ZNF449: variants seen among roughly 807,000 people sequenced by gnomAD.
ZNF449 encodes zinc finger and SCAN domain-containing protein 19.
A neutral mutation model predicts 32.6 loss-of-function variants in ZNF449; 4 were observed. The ratio of observed to expected loss-of-function variants is 0.12; its 90% confidence interval spans 0.06 to 0.28. ZNF449 has a LOEUF of 0.28. Ranked by LOEUF, ZNF449 falls within the 10% of genes least tolerant of loss-of-function variation. The probability of loss-of-function intolerance (pLI) is 1.00; values close to 1 mark genes in which losing one functional copy is unlikely to be tolerated. For missense variants in ZNF449, 275 were observed against 383.2 expected, an observed-to-expected ratio of 0.72 and a Z score of 2.36; for synonymous variants, 123 against 132.2, an observed-to-expected ratio of 0.93 and a Z score of 0.48.
rs782450697 is a variant in ZNF449, at chrX:135,360,190, C to T, written c.674-3C>T. 8.5e-7 allele frequency: 1 copy of T among 1,170,453 alleles called. No homozygotes were observed. Among genetic ancestry groups the T allele is most frequent in the Non-Finnish European group, 1.1e-6 (1 of 879,804 alleles). On this transcript the variant is annotated splice_polypyrimidine_tract_variant and splice_region_variant and intron_variant, in intron 4 of 4. Coordinates refer to ENST00000339249, the MANE Select transcript of ZNF449 (RefSeq NM_152695.6). The stretch of plus-strand genomic sequence containing the variant: ...CATCTGCAGTTTCTATTTCTTCTCT[C>T]AGGTTTTGAGATCGGGATAGAAAAT...
intron 3 of ZNF449, among the ~76,000 whole-genome samples, chrX:135,351,990 A>G (rs1331884733): frequency 1.8e-5 from 2 of 112,464 alleles, no homozygotes; most frequent in East Asian, 5.5e-4. Context: ...TTAAAGTGAT[A>G]TATTATGCTT....
intron 3 of ZNF449, among the ~76,000 whole-genome samples, chrX:135,359,144 T>C (rs113082132): frequency 1.8e-3 from 203 of 111,298 alleles, no homozygotes; most frequent in African/African-American, 6.2e-3. Flanking sequence ...CCACATTTCA[T>C]TGAAGACCAG....
chrX:135,348,768 A>G (rs1602683201), intron 2 of ZNF449: 1 of 1,008,235 alleles, frequency 9.9e-7, no homozygotes, highest in African/African-American at 1.9e-5. Flanking sequence ...TTGCTGCTGA[A>G]TACAGTCACT....
At chrX:135,354,655 T>G (rs1293757017) in intron 3 of ZNF449, among the ~76,000 whole-genome samples, 1 of 111,828 alleles carries the variant, frequency 8.9e-6, no homozygotes, top group Non-Finnish European at 1.9e-5. Flanking sequence ...GGGGCCAAGC[T>G]TTTTGAAAGC....
At chrX:135,351,580 G>A (rs2084886757) in intron 3 of ZNF449, among the ~76,000 whole-genome samples, 1 of 104,356 alleles carries the variant, frequency 9.6e-6, no homozygotes, top group East Asian at 3.0e-4. Flanking sequence ...TGCATATTGT[G>A]GTCAAAGCAG....
At chrX:135,354,619 A>G (rs2084906740) in intron 3 of ZNF449, among the ~76,000 whole-genome samples, 1 of 112,270 alleles carries the variant, frequency 8.9e-6, no homozygotes, top group Non-Finnish European at 1.9e-5. Context: ...TCCAAGGTGT[A>G]GAGACTGTCC....
intron 3 of ZNF449, among the ~76,000 whole-genome samples, chrX:135,354,886 T>G (rs1300002295): frequency 9.0e-6 from 1 of 111,703 alleles, no homozygotes; most frequent in Non-Finnish European, 1.9e-5. Context: ...TCGTAGAGCT[T>G]CTTTTACCCA....
At chrX:135,352,823 A>G (rs1050968443) in intron 3 of ZNF449, among the ~76,000 whole-genome samples, 5 of 111,828 alleles carry the variant, frequency 4.5e-5, no homozygotes, top group African/African-American at 1.6e-4. Context: ...CTCTTACGAG[A>G]CAGTCTTTGC....
rs1556454282 is a variant in ZNF449, at chrX:135,361,886, G to C, written c.*810G>C. ...ATATATTTGGGAATTACTTCCTGCT[G>C]TTTCGCCTTCTTAGGTTCATAGTAC... On this transcript the variant is annotated 3_prime_UTR_variant, in exon 5 of 5. Coordinates refer to ENST00000339249, the MANE Select transcript of ZNF449 (RefSeq NM_152695.6). The C allele has an allele frequency of 9.0e-6, 1 of 111,457 alleles. No homozygotes were observed. The highest frequency in any genetic ancestry group is 2.8e-4 in the East Asian group (1 of 3,585). The allele number at this position is 111,457 out of a possible 1,213,427, so 9.2% of individuals were successfully genotyped here. A position where few individuals can be genotyped will look rare whatever the true frequency, so the allele number is the denominator to read the frequency against.
chrX:135,347,773 C>T (rs182621879), intron 2 of ZNF449: 1 of 724,227 alleles, frequency 1.4e-6, no homozygotes, highest in Admixed American at 4.0e-5. Context: ...TGCTCCATGG[C>T]CTGAAGGCCA....
At chrX:135,353,187 A>G (rs2084897802) in intron 3 of ZNF449, among the ~76,000 whole-genome samples, 1 of 110,706 alleles carries the variant, frequency 9.0e-6, no homozygotes, top group Non-Finnish European at 1.9e-5. Flanking sequence ...CCCAGAGCAA[A>G]GGATCCAAGA....
intron 3 of ZNF449, among the ~76,000 whole-genome samples, chrX:135,358,755 G>A (rs1180086726): frequency 1.8e-5 from 2 of 111,453 alleles, no homozygotes; most frequent in Non-Finnish European, 1.9e-5. Context: ...CCTATTCCAA[G>A]TTTCAATTGA....
At chrX:135,359,162 G>T (rs782618440) in intron 3 of ZNF449, among the ~76,000 whole-genome samples, 29 of 111,274 alleles carry the variant, frequency 2.6e-4, no homozygotes, top group African/African-American at 9.5e-4. Context: ...CAGTAAACTT[G>T]ATCAGAGATA....
rs374702855 is a variant in ZNF449, at chrX:135,347,040, C to T, written c.-79C>T. ...TTAGCTGTAGGTGGCTCCCTCCCACCCCAACGATTTCAGAGAGAAACAAGT... is the reference window on the plus strand; with the variant it reads ...TTAGCTGTAGGTGGCTCCCTCCCACTCCAACGATTTCAGAGAGAAACAAGT... On this transcript the variant is annotated 5_prime_UTR_variant, in exon 2 of 5. Coordinates refer to ENST00000339249, the MANE Select transcript of ZNF449 (RefSeq NM_152695.6). 1.6e-5 allele frequency: 17 copies of T among 1,050,818 alleles called. 1 individual carries two copies. The highest frequency in any genetic ancestry group is 3.8e-5 in the African/African-American group (2 of 52,927). The allele number at this position is 1,050,818 out of a possible 1,213,427, so 86.6% of individuals were successfully genotyped here.
chrX:135,347,406 G>T lies in ZNF449; in HGVS notation c.288G>T (p.Glu96Asp), dbSNP rs782026269. 2 of 1,212,067 alleles carry T rather than the reference G, an allele frequency of 1.7e-6. No homozygotes were observed. Among genetic ancestry groups the T allele is most frequent in the South Asian group, 3.5e-5 (2 of 56,985 alleles). Reference protein sequence around the residue: ...IETWVREHCPENRERVVSLIE... With the variant: ...IETWVREHCPDNRERVVSLIE... ...CCTGGGTGAGGGAGCACTGCCCAGAGAATAGAGAAAGAGTTGTGTCACTGA... is the reference window on the plus strand; with the variant it reads ...CCTGGGTGAGGGAGCACTGCCCAGATAATAGAGAAAGAGTTGTGTCACTGA... The change falls in exon 2 of 5, where the codon GAG becomes GAT. Residue 96 changes from glutamate to aspartate, a missense_variant. Physicochemically the swap from Glu to Asp is conservative, Grantham distance 45. This residue lies in a region of ZNF449 where 165 missense variants were observed against 175.0 expected (regional missense o/e 0.94). Coordinates refer to ENST00000339249, the MANE Select transcript of ZNF449 (RefSeq NM_152695.6).
chrX:135,352,109 A>G (rs2084891052), intron 3 of ZNF449, among the ~76,000 whole-genome samples: 1 of 112,354 alleles, frequency 8.9e-6, no homozygotes, highest in Non-Finnish European at 1.9e-5. Context: ...TGTGGACTGA[A>G]TGGAAAGCAC....
chrX:135,348,991 T>G (rs2148503540), intron 2 of ZNF449, 119 bp from the exon 3 acceptor site: 1 of 1,000,701 alleles, frequency 1.0e-6, no homozygotes, highest in Non-Finnish European at 1.4e-6. Flanking sequence ...GCCTTACTTT[T>G]TAAAAAATTT....
At chrX:135,360,106 A>C in intron 4 of ZNF449, 87 bp from the exon 5 acceptor site, 3 of 1,081,560 alleles carry the variant, frequency 2.8e-6, no homozygotes, top group Non-Finnish European at 3.7e-6. Flanking sequence ...TGTTCCTGCC[A>C]CTGGTTTAAC....
At position 135,349,074 on chromosome X, in the gene ZNF449, T is replaced by C. The variant is rs2084867957; in HGVS notation, c.355-36T>C. On this transcript the variant is annotated intron_variant, in intron 2 of 4. Coordinates refer to ENST00000339249, the MANE Select transcript of ZNF449 (RefSeq NM_152695.6). ...ACAATTCTACTGGGCACTGTTGGTCTAGACTTGAGAGTGATGGTTCTGGCA... is the reference window on the plus strand; with the variant it reads ...ACAATTCTACTGGGCACTGTTGGTCCAGACTTGAGAGTGATGGTTCTGGCA... 4 of 1,200,850 alleles carry C rather than the reference T, an allele frequency of 3.3e-6. No homozygotes were observed. In the East Asian group the frequency reaches 8.9e-5, roughly 27 times the overall value.
Sources: allele counts gnomAD v4.1 joint callset (sites outside exome capture counted in the v4.1 genomes callset), GRCh38; gene constraint gnomAD v4.1.1; regional missense constraint gnomAD v4.1.1; transcripts MANE v1.5; gene names NCBI Gene and HGNC (gene_info 2026-07-23, HGNC 2026-07-21).